The following MBTPS1 variants were observed in gnomAD, a reference collection of about 807,000 sequenced individuals.
MBTPS1 encodes membrane bound transcription factor peptidase, site 1, also known as membrane-bound transcription factor site-1 protease.
A neutral mutation model predicts 127.8 loss-of-function variants in MBTPS1; 94 were observed. That is an observed-to-expected ratio of 0.74 (90% CI 0.62 to 0.87). The LOEUF (loss-of-function observed/expected upper bound fraction) is 0.87. MBTPS1 is among the 40% of genes least tolerant of loss of function. The probability of loss-of-function intolerance (pLI) is 0.00; values close to 1 mark genes in which losing one functional copy is unlikely to be tolerated. For synonymous variants in MBTPS1, 632 were observed against 509.4 expected, an observed-to-expected ratio of 1.24 and a Z score of -3.24; for missense variants, 1,636 against 1,353.2, an observed-to-expected ratio of 1.21 and a Z score of -3.28.
rs1448112924 is a variant in MBTPS1 at position 84,077,269 on chromosome 16, G to GA, written c.1449-2529dup. On this transcript the variant is annotated intron_variant, in intron 11 of 22. Transcript: ENST00000343411. ...AAAAAAAGAGAGAGAGAAAAGAAAA[G>GA]AAAGAAAGAAAAGAATACCCAAGAA... is the stretch of plus-strand genomic sequence containing the variant. Among the ~76,000 whole-genome samples the GA allele has an allele frequency of 2.9e-5, 4 of 137,852 alleles. No individual in the cohort carries two copies. In the East Asian group the frequency reaches 8.2e-4, roughly 28 times the overall value. 90.4% of individuals were successfully genotyped at this position (137,852 alleles called of 152,430 possible).
At chr16:84,059,200 C>T (rs987567089) in intron 21 of MBTPS1, 102 bp downstream of exon 21, 49 of 1,431,172 alleles carry the variant, frequency 3.4e-5, no homozygotes, top group Non-Finnish European at 3.7e-5. Context: ...GAAGATCTGA[C>T]AATTCGATAG....
chr16:84,066,789 G>A lies in MBTPS1; in HGVS notation c.2229-176C>T, dbSNP rs142034722. ...GTAAAACTGCAAATTTAAGTGCTTC[G>A]GCTGATGTGTAGAATTAATTAAAGC... On this transcript the variant is annotated intron_variant, in intron 16 of 22. Coordinates refer to ENST00000343411, the MANE Select transcript of MBTPS1 (RefSeq NM_003791.4). Among the ~76,000 whole-genome samples, 8 of 152,286 alleles carry A rather than the reference G, an allele frequency of 5.3e-5. No individual in the cohort carries two copies. The East Asian group carries it at 9.6e-4, about 18-fold the overall frequency.
At chr16:84,072,384 C>T (rs946706870) in intron 12 of MBTPS1, among the ~76,000 whole-genome samples, 1 of 152,180 alleles carries the variant, frequency 6.6e-6, no homozygotes, top group African/African-American at 2.4e-5. Flanking sequence ...GATGTTGGCA[C>T]AGCCTTCTGA....
chr16:84,113,525 C>T (rs564303078), intron 1 of MBTPS1, among the ~76,000 whole-genome samples: 3 of 152,358 alleles, frequency 2.0e-5, no homozygotes, highest in Admixed American at 2.0e-4. Context: ...AAATGTATTA[C>T]TTGCGCAAGC....
intron 1 of MBTPS1, among the ~76,000 whole-genome samples, chr16:84,105,755 A>C (rs2086315091): frequency 3.3e-5 from 5 of 152,176 alleles, no homozygotes; most frequent in Admixed American, 3.3e-4. Flanking sequence ...ATGGCAGTGA[A>C]GAGCACAGAG....
intron 1 of MBTPS1, among the ~76,000 whole-genome samples, chr16:84,107,519 C>CA (rs1162175840): frequency 6.6e-6 from 1 of 152,078 alleles, no homozygotes; most frequent in Non-Finnish European, 1.5e-5. Context: ...ATTTATGGCT[C>CA]AAAAAATATG....
At position 84,065,758 on chromosome 16, in the gene MBTPS1, G is replaced by C. The variant is rs1316768461; in HGVS notation, c.2363C>G (p.Ala788Gly). ...FTLANHDMYY[A>G]SGCSIAKFPE... ...AAACTTCGCGATGCTGCACCCTGAC[G>C]CATAATACACTAGGAAAGAGTGTTC... is the stretch of plus-strand genomic sequence containing the variant. The change falls in exon 18 of 23, where the codon GCG becomes GGG. Residue 788 changes from alanine (A) to glycine (G), a missense_variant. Transcript: ENST00000343411. The C allele has an allele frequency of 5.6e-6, 9 of 1,599,146 alleles. No homozygotes were observed. The South Asian group carries it at 7.9e-5, about 14-fold the overall frequency.
chr16:84,087,547 G>A (rs540740278), intron 8 of MBTPS1, 87 bp from the exon 9 acceptor site: 17 of 841,402 alleles, frequency 2.0e-5, no homozygotes, highest in South Asian at 3.1e-5. Context: ...AAACCAGGGC[G>A]AATACTCCCA....
intron 12 of MBTPS1, among the ~76,000 whole-genome samples, chr16:84,072,453 T>C (rs952349462): frequency 4.6e-5 from 7 of 152,160 alleles, no homozygotes; most frequent in African/African-American, 1.4e-4. Context: ...GATACGTGGA[T>C]TTTATCTCAA....
chr16:84,076,776 T>C (rs1258670852), intron 11 of MBTPS1, among the ~76,000 whole-genome samples: 1 of 152,172 alleles, frequency 6.6e-6, no homozygotes, highest in Non-Finnish European at 1.5e-5. Flanking sequence ...TGGAAACATA[T>C]CCTTTGCTCT....
chr16:84,068,563 G>A (rs1480699403), intron 14 of MBTPS1, 109 bp from the exon 15 acceptor site: 3 of 755,686 alleles, frequency 4.0e-6, no homozygotes, highest in Admixed American at 2.2e-5. Context: ...GGCCCACAGA[G>A]AAGGCCTGGA....
At chr16:84,075,885 T>A (rs187119228) in intron 11 of MBTPS1, among the ~76,000 whole-genome samples, 267 of 152,324 alleles carry the variant, frequency 1.8e-3, no homozygotes, top group African/African-American at 5.2e-3. Context: ...CTACCTAGTT[T>A]TAAAAATCCT....
At chr16:84,057,338 A>G (rs538641900) in intron 21 of MBTPS1, 126 of 152,376 alleles carry the variant, frequency 8.3e-4, no homozygotes, top group African/African-American at 2.8e-3. Context: ...CTGAATATCT[A>G]TGGGCTATAT....
chr16:84,093,655 C>G lies in MBTPS1; in HGVS notation c.736+56G>C, dbSNP rs947383495. ...GCTGGACAGACTGTGGAATCATGCA[C>G]TAAACACACTCTCAGTCGATCACAT... On this transcript the variant is annotated intron_variant, in intron 5 of 22. Coordinates refer to ENST00000343411, the MANE Select transcript of MBTPS1 (RefSeq NM_003791.4). The G allele has an allele frequency of 1.1e-5, 13 of 1,195,094 alleles. No individual in the cohort carries two copies. In the Admixed American group the frequency reaches 1.4e-4, roughly 13 times the overall value. 74.0% of individuals were successfully genotyped at this position (1,195,094 alleles called of 1,614,324 possible).
At chr16:84,077,168 T>C (rs1240139598) in intron 11 of MBTPS1, among the ~76,000 whole-genome samples, 1 of 143,666 alleles carries the variant, frequency 7.0e-6, no homozygotes, top group Non-Finnish European at 1.5e-5. Context: ...GAGGTTACAG[T>C]GAGCTGAGAT....
intron 11 of MBTPS1, among the ~76,000 whole-genome samples, chr16:84,079,784 T>C (rs1245418113): frequency 6.6e-6 from 1 of 152,208 alleles, no homozygotes; most frequent in African/African-American, 2.4e-5. Context: ...GGCTGGAACC[T>C]GGAGGTGGCA....
At chr16:84,055,098 C>T (rs564469287) in intron 22 of MBTPS1, among the ~76,000 whole-genome samples, 45 of 152,302 alleles carry the variant, frequency 3.0e-4, no homozygotes, top group African/African-American at 9.9e-4. Flanking sequence ...GGCAGTGCCC[C>T]GCCTCTGGGA....
chr16:84,062,265 C>T (rs2085624051), intron 19 of MBTPS1, among the ~76,000 whole-genome samples: 2 of 152,270 alleles, frequency 1.3e-5, no homozygotes, highest in East Asian at 1.9e-4. Flanking sequence ...GGACTACAGG[C>T]ACACGCCACC....
Position 84,095,455 on chromosome 16 carries a change from A to G in MBTPS1, c.625+147T>C, listed in dbSNP as rs1328242169. 7 of 743,628 alleles carry G rather than the reference A, an allele frequency of 9.4e-6. No homozygotes were observed. In the Admixed American group the frequency reaches 2.0e-4, roughly 21 times the overall value. The allele number at this position is 743,628 out of a possible 1,614,324, so 46.1% of individuals were successfully genotyped here. On this transcript the variant is annotated intron_variant, in intron 4 of 22. Coordinates refer to ENST00000343411, the MANE Select transcript of MBTPS1 (RefSeq NM_003791.4). ...TACCTCCAGCTAAACAAATAGTAAG[A>G]AGGTTAGATGTGGAAGGCTGCAGGG...
Sources: allele counts gnomAD v4.1 joint callset (sites outside exome capture counted in the v4.1 genomes callset), GRCh38; gene constraint gnomAD v4.1.1; transcripts MANE v1.5; gene names NCBI Gene and HGNC (gene_info 2026-07-23, HGNC 2026-07-21).